Variants in WNT7B observed in about 807,000 individuals in gnomAD.
WNT7B encodes the protein protein Wnt-7b.
In WNT7B, 19 loss-of-function variants were observed where a neutral mutation model predicts 38.2. The observed-to-expected ratio is 0.50, with a 90% confidence interval of 0.35 to 0.73. The LOEUF (loss-of-function observed/expected upper bound fraction) is 0.73. Ranked by LOEUF, WNT7B falls within the 30% of genes least tolerant of loss-of-function variation. The probability of loss-of-function intolerance (pLI) is 0.01; values close to 1 mark genes in which losing one functional copy is unlikely to be tolerated. For missense variants in WNT7B, 423 were observed against 507.9 expected (o/e 0.83, Z 1.61); for synonymous variants, 243 against 209.3 (o/e 1.16, Z -1.39).
chr22:45,929,759 T>C (rs1931255803), intron 3 of WNT7B, among the ~76,000 whole-genome samples: 2 of 141,530 alleles, frequency 1.4e-5, no homozygotes, highest in Non-Finnish European at 3.1e-5. Context: ...CTTTCATTCA[T>C]CTGTCTACTT....
At chr22:45,972,425 TCTGGGG>T in intron 1 of WNT7B, 1 of 252,410 alleles carries the variant, frequency 4.0e-6, no homozygotes. Context: ...TGGCGCTGGG[TCTGGGG>T]CAGCGGCGGG....
At chr22:45,939,005 A>T (rs143595114) in intron 2 of WNT7B, among the ~76,000 whole-genome samples, 8 of 152,262 alleles carry the variant, frequency 5.3e-5, no homozygotes, top group Non-Finnish European at 1.2e-4. Context: ...CAGACAAAAG[A>T]TTCTCAGCAT....
intron 1 of WNT7B, among the ~76,000 whole-genome samples, chr22:45,963,578 GCCACAC>G (rs1468288757): frequency 6.6e-6 from 1 of 152,178 alleles, no homozygotes; most frequent in African/African-American, 2.4e-5. Context: ...CTTGGGCCAG[GCCACAC>G]AGCAACGTGG....
At chr22:45,925,310 T>G (rs28578752) in intron 3 of WNT7B, 32 of 985,080 alleles carry the variant, frequency 3.2e-5, no homozygotes, top group Non-Finnish European at 3.4e-5. Context: ...CTGGGGTGTT[T>G]TCTGCTCTGC....
In WNT7B at chr22:45,959,264, G is replaced by A. The variant is rs565201768; in HGVS notation, c.72-9118C>T. 1.9e-3 allele frequency among the ~76,000 whole-genome samples: 295 copies of A among 152,334 alleles called. 3 individuals carry two copies. In the Middle Eastern group the frequency reaches 0.024, roughly 12 times the overall value. ...ACAGGGGGTGGGCAGCAGCGCGGCC[G>A]TGGGCTGTCCCCTTGTCACTCAGAC... On this transcript the variant is annotated intron_variant, in intron 1 of 3. Transcript: ENST00000339464.
At chr22:45,954,917 G>T in intron 1 of WNT7B, 1 of 265,806 alleles carries the variant, frequency 3.8e-6, no homozygotes, top group Non-Finnish European at 5.8e-6. Flanking sequence ...GCTCAGAGAG[G>T]CTAGGGGACC....
At chr22:45,972,116 G>GGGGGGGGGCCCCCC in intron 1 of WNT7B, 1 of 530,738 alleles carries the variant, frequency 1.9e-6, no homozygotes, top group Non-Finnish European at 3.3e-6. Flanking sequence ...CCCGGGGGGA[G>GGGGGGGGGCCCCCC]CCCACCCGCC....
chr22:45,971,896 C>A (rs1010200008), intron 1 of WNT7B, among the ~76,000 whole-genome samples: 1 of 152,180 alleles, frequency 6.6e-6, no homozygotes, highest in Non-Finnish European at 1.5e-5. Context: ...GCTCTACTCC[C>A]GCAGTCGAGC....
intron 2 of WNT7B, among the ~76,000 whole-genome samples, chr22:45,939,544 A>G (rs1268956420): frequency 6.6e-6 from 1 of 152,130 alleles, no homozygotes; most frequent in Non-Finnish European, 1.5e-5. Flanking sequence ...CTGTAGTCCC[A>G]ACACTTTGGG....
chr22:45,943,685 C>G (rs1047268228), intron 2 of WNT7B, among the ~76,000 whole-genome samples: 1 of 152,194 alleles, frequency 6.6e-6, no homozygotes, highest in Non-Finnish European at 1.5e-5. Context: ...GGCAACATGG[C>G]CTTGGGTAAG....
At chr22:45,929,818 A>G (rs911473651) in intron 3 of WNT7B, among the ~76,000 whole-genome samples, 3 of 149,364 alleles carry the variant, frequency 2.0e-5, no homozygotes, top group Admixed American at 6.6e-5. Context: ...CCATCCATCT[A>G]TCTTCCCATG....
At chr22:45,931,393 A>ATGTGT in intron 2 of WNT7B, 24 bp from the exon 3 acceptor site, 1 of 1,563,078 alleles carries the variant, frequency 6.4e-7, no homozygotes, top group Non-Finnish European at 8.6e-7. Flanking sequence ...CAGGTGCAGA[A>ATGTGT]GGTGAGACCC....
At chr22:45,932,416 A>ACG (rs777062149) in intron 2 of WNT7B, among the ~76,000 whole-genome samples, 8 of 142,632 alleles carry the variant, frequency 5.6e-5, no homozygotes, top group Admixed American at 1.4e-4. Context: ...GCCTTCCCAG[A>ACG]CCCCCCCCGC....
At chr22:45,930,567 A>ACCCACCACACTCCGT (rs1428028930) in intron 3 of WNT7B, among the ~76,000 whole-genome samples, 1 of 151,768 alleles carries the variant, frequency 6.6e-6, no homozygotes, top group Non-Finnish European at 1.5e-5. Flanking sequence ...CTCCATTGCC[A>ACCCACCACACTCCGT]CCCACCACAC....
intron 3 of WNT7B, among the ~76,000 whole-genome samples, chr22:45,928,100 T>C (rs1288496909): frequency 6.6e-6 from 1 of 152,144 alleles, no homozygotes; most frequent in African/African-American, 2.4e-5. Context: ...GCCCCAGAGC[T>C]GAGAGAGAAC....
At chr22:45,967,136 G>T (rs551283270) in intron 1 of WNT7B, among the ~76,000 whole-genome samples, 1 of 152,338 alleles carries the variant, frequency 6.6e-6, no homozygotes, top group Admixed American at 6.5e-5. Context: ...CGGCCAGCCT[G>T]AGGTGAGGCC....
At chr22:45,927,041 AAG>A (rs1931106998) in intron 3 of WNT7B, 1 of 985,416 alleles carries the variant, frequency 1.0e-6, no homozygotes, top group Non-Finnish European at 1.2e-6. Context: ...TCATGTCACC[AAG>A]AGAGGTGCCC....
At chr22:45,935,265 A>G (rs1441038835) in intron 2 of WNT7B, among the ~76,000 whole-genome samples, 1 of 152,160 alleles carries the variant, frequency 6.6e-6, no homozygotes, top group Non-Finnish European at 1.5e-5. Context: ...AGCAGCTGTC[A>G]GTGGCCCCCA....
intron 1 of WNT7B, among the ~76,000 whole-genome samples, chr22:45,970,173 C>T (rs1017519429): frequency 3.9e-5 from 6 of 152,234 alleles, no homozygotes; most frequent in African/African-American, 7.2e-5. Flanking sequence ...GGAAGGCTGG[C>T]GTCAGCGTCT....
Sources: allele counts gnomAD v4.1 joint callset (sites outside exome capture counted in the v4.1 genomes callset), GRCh38; gene constraint gnomAD v4.1.1; transcripts MANE v1.5; gene names NCBI Gene and HGNC (gene_info 2026-07-23, HGNC 2026-07-21).